Variants in PAX3 observed in about 807,000 individuals in gnomAD.
The protein encoded by PAX3 is paired box protein Pax-3.
PAX3 carries 14 observed loss-of-function variants against 51.6 expected under a neutral mutation model. The ratio of observed to expected loss-of-function variants is 0.27; its 90% CI spans 0.18 to 0.42. The LOEUF (loss-of-function observed/expected upper bound fraction) is 0.42. PAX3 is among the 10% of genes least tolerant of loss of function. The pLI is 1.00. For synonymous variants in PAX3, 280 were observed against 253.4 expected (o/e 1.11, Z -1.00); for missense variants, 540 against 642.8 (o/e 0.84, Z 1.73).
At chr2:222,220,929 G>A (rs745770433) in intron 6 of PAX3, among the ~76,000 whole-genome samples, 15 of 152,148 alleles carry the variant, frequency 9.9e-5, no homozygotes, top group African/African-American at 2.9e-4. Context: ...GGAGTAAAAC[G>A]TAGAGGTAAA....
chr2:222,290,251 C>G (rs377331051), intron 4 of PAX3, among the ~76,000 whole-genome samples: 11 of 152,294 alleles, frequency 7.2e-5, no homozygotes, highest in African/African-American at 2.6e-4. Flanking sequence ...CTACCTCCCC[C>G]CCAAAAAGCT....
At chr2:222,258,334 C>A (rs1693724007) in intron 4 of PAX3, among the ~76,000 whole-genome samples, 1 of 152,038 alleles carries the variant, frequency 6.6e-6, no homozygotes, top group Non-Finnish European at 1.5e-5. Flanking sequence ...GTGTGTGAAA[C>A]TTTATTATTA....
intron 4 of PAX3, among the ~76,000 whole-genome samples, chr2:222,254,723 A>G (rs934058476): frequency 6.6e-6 from 1 of 152,220 alleles, no homozygotes; most frequent in African/African-American, 2.4e-5. Flanking sequence ...CTCAACATCA[A>G]CATGGCATTT....
At chr2:222,279,297 G>A (rs1373022387) in intron 4 of PAX3, among the ~76,000 whole-genome samples, 2 of 122,916 alleles carry the variant, frequency 1.6e-5, no homozygotes, top group African/African-American at 5.7e-5. Flanking sequence ...CTGAGTGCAA[G>A]CCTGTGCGTG....
chr2:222,262,244 A>C (rs1693889140), intron 4 of PAX3, among the ~76,000 whole-genome samples: 1 of 152,208 alleles, frequency 6.6e-6, no homozygotes, highest in South Asian at 2.1e-4. Context: ...TATCCATTTT[A>C]TCAGTTCTTA....
intron 4 of PAX3, chr2:222,242,544 C>T (rs1693056642): frequency 6.6e-6 from 1 of 152,050 alleles, no homozygotes. Flanking sequence ...CATGAGAACT[C>T]AGAGAGGTTA....
At chr2:222,217,397 C>T (rs1229342285) in intron 7 of PAX3, among the ~76,000 whole-genome samples, 3 of 152,190 alleles carry the variant, frequency 2.0e-5, no homozygotes, top group South Asian at 2.1e-4. Context: ...CCTGTTTTCT[C>T]TTCATTCAAC....
At chr2:222,289,004 A>G (rs183880714) in intron 4 of PAX3, among the ~76,000 whole-genome samples, 55 of 152,364 alleles carry the variant, frequency 3.6e-4, no homozygotes, top group African/African-American at 1.2e-3. Flanking sequence ...ATATTTGGCC[A>G]GAGCTGCTGA....
intron 4 of PAX3, chr2:222,293,494 T>A (rs1695122913): frequency 1.3e-6 from 1 of 770,322 alleles, no homozygotes; most frequent in Non-Finnish European, 2.1e-6. Context: ...TCTGTACCCC[T>A]AGAAGACAGA....
intron 4 of PAX3, among the ~76,000 whole-genome samples, chr2:222,270,483 T>C (rs1486297948): frequency 3.3e-5 from 5 of 152,170 alleles, no homozygotes; most frequent in Non-Finnish European, 7.3e-5. Context: ...GCTGCTAAGT[T>C]AAAAGAAAGA....
At chr2:222,238,618 G>C (rs1559277313) in intron 4 of PAX3, among the ~76,000 whole-genome samples, 1 of 152,146 alleles carries the variant, frequency 6.6e-6, no homozygotes, top group Non-Finnish European at 1.5e-5. Flanking sequence ...AGGGATCTCT[G>C]GAGGCTGAAT....
intron 4 of PAX3, among the ~76,000 whole-genome samples, chr2:222,274,861 G>A (rs45521539): frequency 0.012 from 1,824 of 152,190 alleles, 34 homozygotes; most frequent in African/African-American, 0.041. Flanking sequence ...ACAAATTCAC[G>A]CCATATCTCT....
At chr2:222,224,712 T>G (rs2289266) in intron 5 of PAX3, among the ~76,000 whole-genome samples, 11,513 of 152,260 alleles carry the variant, frequency 0.076, 1,364 homozygotes, top group East Asian at 0.58. Flanking sequence ...GATAACTCTT[T>G]CAATATTGTA....
At chr2:222,289,910 C>A (rs1356297851) in intron 4 of PAX3, among the ~76,000 whole-genome samples, 2 of 152,138 alleles carry the variant, frequency 1.3e-5, no homozygotes, top group African/African-American at 4.8e-5. Flanking sequence ...AGAATCGAAA[C>A]GACATTGAAG....
chr2:222,297,548 C>T (rs960913580), intron 1 of PAX3, among the ~76,000 whole-genome samples: 1 of 152,190 alleles, frequency 6.6e-6, no homozygotes. Context: ...TAGAAACAGC[C>T]TCCTGGCGAA....
chr2:222,239,989 T>C (rs1187550562), intron 4 of PAX3, among the ~76,000 whole-genome samples: 2 of 152,058 alleles, frequency 1.3e-5, no homozygotes, highest in African/African-American at 2.4e-5. Flanking sequence ...GCTATTCCCC[T>C]CCCTTCTGAC....
rs1691241059 is a variant in PAX3 at position 222,200,202 on chromosome 2, A to G, written c.*1206T>C. The G allele has an allele frequency of 4.6e-6, 1 of 218,236 alleles. No individual in the cohort carries two copies. The highest frequency in any genetic ancestry group is 9.2e-6 in the Non-Finnish European group (1 of 108,374). The allele number at this position is 218,236 out of a possible 1,614,324, so 13.5% of individuals were successfully genotyped here. On this transcript the variant is annotated 3_prime_UTR_variant, in exon 9 of 9. Transcript: ENST00000392070. ...GTTCCTCTCAACATCTCAAAAAGCA[A>G]ATTTATTGACATTCTAAAATGTCAC...
chr2:222,296,937 CCA>C, intron 2 of PAX3, 39 bp downstream of exon 2: 1 of 1,527,358 alleles, frequency 6.5e-7, no homozygotes, highest in Non-Finnish European at 9.0e-7. Context: ...ACACAGGGGA[CCA>C]CAGTCTGGGA....
At chr2:222,231,600 A>G (rs45492491) in intron 5 of PAX3, among the ~76,000 whole-genome samples, 238 of 152,338 alleles carry the variant, frequency 1.6e-3, no homozygotes, top group African/African-American at 5.5e-3. Context: ...ATGGGATCCA[A>G]TTATCTCTAG....
Sources: allele counts gnomAD v4.1 joint callset (sites outside exome capture counted in the v4.1 genomes callset), GRCh38; gene constraint gnomAD v4.1.1; transcripts MANE v1.5; gene names NCBI Gene and HGNC (gene_info 2026-07-23, HGNC 2026-07-21).